NONO: variants seen among roughly 807,000 people sequenced by gnomAD.
NONO encodes the protein non-POU domain-containing octamer-binding protein.
A neutral mutation model predicts 40.2 loss-of-function variants in NONO; 6 were observed. The ratio of observed to expected loss-of-function variants is 0.15; its 90% CI spans 0.08 to 0.29. The LOEUF (loss-of-function observed/expected upper bound fraction) is 0.29. Among genes scored for constraint, NONO ranks in the 10% least tolerant of loss-of-function variants. NONO has a pLI of 1.00. For missense variants in NONO, 133 were observed against 397.8 expected, an observed-to-expected ratio of 0.33 and a Z score of 5.66; for synonymous variants, 89 against 123.3, an observed-to-expected ratio of 0.72 and a Z score of 1.85.
chrX:71,300,365 C>T lies in NONO; in HGVS notation c.*289C>T. The T allele has an allele frequency of 3.0e-6, 1 of 337,359 alleles. No individual in the cohort carries two copies. The highest frequency in any genetic ancestry group is 5.2e-6 in the Non-Finnish European group (1 of 193,096). 27.8% of individuals were successfully genotyped at this position (337,359 alleles called of 1,213,427 possible). The stretch of plus-strand genomic sequence containing the variant: ...CATGGCAAAGTGGATCCAGTTAGAG[C>T]CCATTAATCTTGATCATTCCGGTTT... On this transcript the variant is annotated 3_prime_UTR_variant, in exon 12 of 12. Transcript: ENST00000276079.
At chrX:71,297,610 G>A in intron 8 of NONO, 149 bp downstream of exon 8, 1 of 517,523 alleles carries the variant, frequency 1.9e-6, no homozygotes, top group Non-Finnish European at 3.2e-6. Flanking sequence ...GATTGGAGAT[G>A]TTTTAGCTGC....
intron 2 of NONO, among the ~76,000 whole-genome samples, chrX:71,288,008 ATTTTTT>A: frequency 1.4e-5 from 1 of 71,948 alleles, no homozygotes; most frequent in Non-Finnish European, 2.7e-5. Flanking sequence ...TGCTGGCTTC[ATTTTTT>A]TTTTTTTTTT....
At chrX:71,292,103 C>G in intron 4 of NONO, 131 bp downstream of exon 4, 2 of 438,921 alleles carry the variant, frequency 4.6e-6, no homozygotes, top group Non-Finnish European at 7.4e-6. Flanking sequence ...GAAACAGAAC[C>G]ACAAAAATGG....
intron 7 of NONO, 77 bp from the exon 8 acceptor site, chrX:71,297,300 C>T: frequency 2.1e-6 from 2 of 973,143 alleles, no homozygotes; most frequent in Non-Finnish European, 2.8e-6. Context: ...TCTTTGCTTT[C>T]TGGATCTTTA....
intron 3 of NONO, 64 bp from the exon 4 acceptor site, chrX:71,291,715 C>T: frequency 1.2e-6 from 1 of 865,215 alleles, no homozygotes. Context: ...GGTTATAGGT[C>T]TTTGAGGATA....
At chrX:71,288,695 C>T (rs756013121) in intron 2 of NONO, among the ~76,000 whole-genome samples, 1 of 112,943 alleles carries the variant, frequency 8.9e-6, no homozygotes, top group Non-Finnish European at 1.9e-5. Flanking sequence ...CCTGGCCTAT[C>T]TTTTTATGTT....
intron 5 of NONO, 42 bp from the exon 6 acceptor site, chrX:71,296,523 G>C: frequency 1.1e-6 from 1 of 920,922 alleles, no homozygotes; most frequent in South Asian, 2.2e-5. Context: ...AAGCCTGGTG[G>C]GGTATGATTT....
At chrX:71,296,255 C>T (rs2031449201) in intron 5 of NONO, among the ~76,000 whole-genome samples, 1 of 107,283 alleles carries the variant, frequency 9.3e-6, no homozygotes, top group African/African-American at 3.4e-5. Context: ...AAGTGATTCT[C>T]CTGCCTCAGC....
chrX:71,285,435 C>T (rs1184384421), intron 2 of NONO, among the ~76,000 whole-genome samples: 1 of 111,367 alleles, frequency 9.0e-6, no homozygotes, highest in East Asian at 2.8e-4. Context: ...TTTGAGAAAA[C>T]GACGTTGCAC....
intron 2 of NONO, among the ~76,000 whole-genome samples, chrX:71,287,497 C>T (rs1026036712): frequency 9.0e-6 from 1 of 111,476 alleles, no homozygotes; most frequent in African/African-American, 3.3e-5. Context: ...CCTGCCTCAG[C>T]CTCCCAAGTA....
At chrX:71,291,452 G>A (rs1027758252) in intron 3 of NONO, among the ~76,000 whole-genome samples, 1 of 109,075 alleles carries the variant, frequency 9.2e-6, no homozygotes, top group Non-Finnish European at 1.9e-5. Flanking sequence ...CGTTTTGAAT[G>A]TTAAAATCTG....
Position 71,301,058 on chromosome X carries a change from T to C in NONO, c.*982T>C, listed in dbSNP as rs1404023508. ...TCTTAGGTAGTCATGCTGTGCATTTTTTTTTTCATTGGTGTACTGTGTTTG... is the reference window on the plus strand; with the variant it reads ...TCTTAGGTAGTCATGCTGTGCATTTCTTTTTTCATTGGTGTACTGTGTTTG... On this transcript the variant is annotated 3_prime_UTR_variant, in exon 12 of 12. Transcript: ENST00000276079. The C allele has an allele frequency of 6.7e-6, 1 of 148,715 alleles. No homozygotes were observed. The highest frequency in any genetic ancestry group is 3.1e-5 in the African/African-American group (1 of 32,318). The allele number at this position is 148,715 out of a possible 1,213,427, so 12.3% of individuals were successfully genotyped here.
At chrX:71,297,711 C>CT (rs2031483569) in intron 8 of NONO, 125 bp from the exon 9 acceptor site, 1 of 558,107 alleles carries the variant, frequency 1.8e-6, no homozygotes, top group Admixed American at 3.5e-5. Context: ...GCTGGGCACA[C>CT]TTAACAGTGA....
intron 2 of NONO, among the ~76,000 whole-genome samples, chrX:71,290,347 C>A (rs956047252): frequency 8.9e-6 from 1 of 112,456 alleles, no homozygotes; most frequent in Non-Finnish European, 1.9e-5. Context: ...CTGCACCCAG[C>A]CTTTTTATTT....
In NONO at chrX:71,300,884, C is replaced by G. The variant is rs747352142; in HGVS notation, c.*808C>G. ...AAAAAAATCTTGTGTTAACTTGCCT[C>G]CATCTTTTTCTTGGGTGAGGACACC... On this transcript the variant is annotated 3_prime_UTR_variant, in exon 12 of 12. Transcript: ENST00000276079. 2 of 160,597 alleles carry G rather than the reference C, an allele frequency of 1.2e-5. No individual in the cohort carries two copies. The highest frequency in any genetic ancestry group is 8.3e-5 in the Admixed American group (1 of 12,031). The allele number at this position is 160,597 out of a possible 1,213,427, so 13.2% of individuals were successfully genotyped here.
In NONO at chrX:71,288,119, C is replaced by CTTTTT. The variant is rs41517053; in HGVS notation, c.-9-2493_-9-2489dup. On this transcript the variant is annotated intron_variant, in intron 2 of 11. Coordinates refer to ENST00000276079, the MANE Select transcript of NONO (RefSeq NM_007363.5). ...GAATTTAACATTTTATTATTTTTAT[C>CTTTTT]TTTTTTTTTTTTTTTTTTTTTCTTG... Among the ~76,000 whole-genome samples the CTTTTT allele has an allele frequency of 1.2e-3, 62 of 53,845 alleles. 1 individual carries two copies. Among genetic ancestry groups the CTTTTT allele is most frequent in the East Asian group, 1.6e-3 (2 of 1,236 alleles). 46.8% of individuals were successfully genotyped at this position (53,845 alleles called of 115,157 possible).
intron 2 of NONO, among the ~76,000 whole-genome samples, chrX:71,286,804 A>C (rs1248533318): frequency 1.8e-5 from 2 of 111,924 alleles, no homozygotes; most frequent in Non-Finnish European, 3.8e-5. Context: ...TGTAGTTTTT[A>C]ATTTTAAAAT....
intron 8 of NONO, 65 bp downstream of exon 8, chrX:71,297,526 A>G (rs775205570): frequency 1.6e-4 from 122 of 784,751 alleles, no homozygotes; most frequent in Non-Finnish European, 2.1e-4. Context: ...CCTCTTTCCT[A>G]CTGCCATGCT....
intron 2 of NONO, among the ~76,000 whole-genome samples, chrX:71,286,299 A>G (rs759449125): frequency 1.0e-3 from 112 of 111,399 alleles, no homozygotes; most frequent in African/African-American, 3.4e-3. Flanking sequence ...CCTTCTCCCT[A>G]TCCACTTTGC....
Sources: gnomAD v4.1 joint callset for allele counts (sites outside exome capture counted in the v4.1 genomes callset) on GRCh38, gnomAD v4.1.1 for gene constraint, MANE v1.5 for transcripts, NCBI Gene and HGNC (gene_info 2026-07-23, HGNC 2026-07-21) for gene names.